Variants in DLG2 observed in about 807,000 individuals in gnomAD.
DLG2 encodes the protein disks large homolog 2.
In DLG2, 45 loss-of-function variants were observed where a neutral mutation model predicts 132.5. That is an observed-to-expected ratio of 0.34 (90% CI 0.27 to 0.44). The LOEUF (loss-of-function observed/expected upper bound fraction) is 0.44. DLG2 is among the 20% of genes least tolerant of loss of function. The pLI is 1.00. For synonymous variants in DLG2, 424 were observed against 419.6 expected (o/e 1.01, Z -0.13); for missense variants, 1,045 against 1,196.9 (o/e 0.87, Z 1.87).
At chr11:85,051,046 G>T (rs953793790) in intron 6 of DLG2, among the ~76,000 whole-genome samples, 1 of 152,132 alleles carries the variant, frequency 6.6e-6, no homozygotes, top group Non-Finnish European at 1.5e-5. Context: ...AGATTTCAAA[G>T]TCATCAAGTC....
intron 6 of DLG2, among the ~76,000 whole-genome samples, chr11:84,700,546 T>C (rs529124111): frequency 6.6e-6 from 1 of 151,748 alleles, no homozygotes; most frequent in Non-Finnish European, 1.5e-5. Flanking sequence ...TATTCAAACA[T>C]AACATCAAGA....
At chr11:84,281,025 T>C (rs1197564000) in intron 7 of DLG2, among the ~76,000 whole-genome samples, 1 of 151,904 alleles carries the variant, frequency 6.6e-6, no homozygotes, top group Admixed American at 6.6e-5. Context: ...CCGGCCTAGA[T>C]AACTGATTTT....
At chr11:84,293,333 A>T (rs2098034829) in intron 7 of DLG2, among the ~76,000 whole-genome samples, 1 of 152,036 alleles carries the variant, frequency 6.6e-6, no homozygotes, top group Non-Finnish European at 1.5e-5. Flanking sequence ...AGATTCCATG[A>T]AATATAAGAC....
At chr11:84,895,987 G>T (rs978875561) in intron 6 of DLG2, among the ~76,000 whole-genome samples, 20 of 152,200 alleles carry the variant, frequency 1.3e-4, no homozygotes, top group African/African-American at 4.8e-4. Context: ...TGTATTAATA[G>T]ATATACTGTA....
chr11:83,786,888 T>A, intron 17 of DLG2, 96 bp from the exon 18 acceptor site: 1 of 922,368 alleles, frequency 1.1e-6, no homozygotes, highest in South Asian at 1.5e-5. Flanking sequence ...TCTAACATTA[T>A]ATCACATGCC....
At chr11:85,209,587 C>A (rs556505944) in intron 4 of DLG2, among the ~76,000 whole-genome samples, 16 of 107,486 alleles carry the variant, frequency 1.5e-4, no homozygotes, top group South Asian at 6.2e-4. Flanking sequence ...ACTACCACAC[C>A]CAGCTAACTT....
At chr11:84,465,340 A>T (rs2099091376) in intron 7 of DLG2, among the ~76,000 whole-genome samples, 1 of 151,138 alleles carries the variant, frequency 6.6e-6, no homozygotes, top group South Asian at 2.1e-4. Flanking sequence ...TTTTATTTTA[A>T]ACTGCTTAAC....
chr11:83,874,350 A>G, intron 16 of DLG2, 70 bp downstream of exon 16: 1 of 1,089,852 alleles, frequency 9.2e-7, no homozygotes, highest in Non-Finnish European at 1.3e-6. Flanking sequence ...AGAGACAGAG[A>G]CAGGGAGAGA....
chr11:84,319,253 TG>T (rs1691449704), intron 7 of DLG2, among the ~76,000 whole-genome samples: 1 of 151,700 alleles, frequency 6.6e-6, no homozygotes, highest in Admixed American at 6.6e-5. Context: ...AGATTATACC[TG>T]AAAGAACTGT....
intron 6 of DLG2, among the ~76,000 whole-genome samples, chr11:85,077,099 T>C (rs943608010): frequency 5.9e-5 from 9 of 151,676 alleles, no homozygotes; most frequent in African/African-American, 2.2e-4. Flanking sequence ...AACCACAGAC[T>C]AGGACAATGC....
intron 6 of DLG2, among the ~76,000 whole-genome samples, chr11:84,703,636 G>C (rs549248706): frequency 6.6e-6 from 1 of 151,378 alleles, no homozygotes; most frequent in East Asian, 2.0e-4. Flanking sequence ...TGGGTCTCAA[G>C]AGCTTGAGTT....
chr11:83,972,200 G>A (rs1052584526), intron 12 of DLG2, among the ~76,000 whole-genome samples: 2 of 152,210 alleles, frequency 1.3e-5, no homozygotes, highest in African/African-American at 2.4e-5. Flanking sequence ...ACTTGATACA[G>A]GGAGAATAAT....
chr11:84,412,741 G>A (rs1252103923), intron 7 of DLG2, among the ~76,000 whole-genome samples: 1 of 152,106 alleles, frequency 6.6e-6, no homozygotes, highest in African/African-American at 2.4e-5. Context: ...CCATGGTTTT[G>A]AGCTTTAAGT....
intron 9 of DLG2, among the ~76,000 whole-genome samples, chr11:84,104,439 G>A (rs1424436117): frequency 1.3e-5 from 2 of 152,010 alleles, no homozygotes; most frequent in Non-Finnish European, 2.9e-5. Context: ...AGGAAGGAAA[G>A]GGAAAAAGGT....
chr11:84,343,631 C>A (rs1385550005), intron 7 of DLG2, among the ~76,000 whole-genome samples: 1 of 152,016 alleles, frequency 6.6e-6, no homozygotes, highest in East Asian at 1.9e-4. Flanking sequence ...TGCTTTTATA[C>A]CTGATTTTGT....
chr11:84,604,149 T>C (rs1001506650), intron 6 of DLG2, among the ~76,000 whole-genome samples: 1 of 151,950 alleles, frequency 6.6e-6, no homozygotes, highest in East Asian at 1.9e-4. Flanking sequence ...TAAGATTGCA[T>C]AACTAATTTA....
At chr11:85,060,222 T>C (rs897499587) in intron 6 of DLG2, among the ~76,000 whole-genome samples, 2 of 151,514 alleles carry the variant, frequency 1.3e-5, no homozygotes, top group South Asian at 2.1e-4. Context: ...TTATTTCACT[T>C]AGTATAATGT....
chr11:85,445,916 T>C (rs1254572074), intron 3 of DLG2, among the ~76,000 whole-genome samples: 3 of 152,204 alleles, frequency 2.0e-5, no homozygotes. Flanking sequence ...CTCTATATAT[T>C]ATGTACACTG....
intron 6 of DLG2, among the ~76,000 whole-genome samples, chr11:84,736,004 C>T (rs912422023): frequency 1.3e-5 from 2 of 151,830 alleles, no homozygotes; most frequent in Non-Finnish European, 2.9e-5. Context: ...AGATGTTCTT[C>T]TCTTATTTCT....
Sources: gnomAD v4.1 joint callset for allele counts (sites outside exome capture counted in the v4.1 genomes callset) on GRCh38, gnomAD v4.1.1 for gene constraint, MANE v1.5 for transcripts, NCBI Gene and HGNC (gene_info 2026-07-23, HGNC 2026-07-21) for gene names.